The following RGS12 variants were observed in gnomAD, a reference collection of about 807,000 sequenced individuals.
RGS12 encodes the protein regulator of G-protein signaling 12.
A neutral mutation model predicts 120.1 loss-of-function variants in RGS12; 66 were observed. The ratio of observed to expected loss-of-function variants is 0.55; its 90% CI spans 0.45 to 0.67. RGS12 has a LOEUF of 0.67. Ranked by LOEUF, RGS12 falls within the 30% of genes least tolerant of loss-of-function variation. RGS12 has a pLI of 0.00. For synonymous variants in RGS12, 827 were observed against 804.7 expected (o/e 1.03, Z -0.47); for missense variants, 1,859 against 1,957.7 (o/e 0.95, Z 0.95).
chr4:3,362,566 G>A (rs1191948038), intron 3 of RGS12, among the ~76,000 whole-genome samples: 15 of 145,646 alleles, frequency 1.0e-4, no homozygotes, highest in African/African-American at 3.8e-4. Flanking sequence ...TGTGATGTGA[G>A]GGTTGGTGTG....
intron 3 of RGS12, among the ~76,000 whole-genome samples, chr4:3,363,320 G>A (rs1715918781): frequency 6.6e-6 from 1 of 152,078 alleles, no homozygotes; most frequent in Non-Finnish European, 1.5e-5. Flanking sequence ...ATTTTCTATT[G>A]TTTCCGTCAT....
At chr4:3,371,428 T>C in intron 3 of RGS12, among the ~76,000 whole-genome samples, 1 of 152,344 alleles carries the variant, frequency 6.6e-6, no homozygotes, top group South Asian at 2.1e-4. Flanking sequence ...TAGGCAGCAC[T>C]TTCATCTCAG....
At position 3,435,827 on chromosome 4, in the gene RGS12, C is replaced by G. The variant is rs563962530; in HGVS notation, c.4115-3628C>G. On this transcript the variant is annotated intron_variant, in intron 17 of 17. Transcript: ENST00000336727. ...GTCTCAGGCCTGCAAGTGACTGTGA[C>G]CTGGCCTACCCCCATGTTCCCTCCA... Among the ~76,000 whole-genome samples, 144 of 152,330 alleles carry G rather than the reference C, an allele frequency of 9.5e-4. 1 individual carries two copies. The highest frequency in any genetic ancestry group is 3.3e-3 in the African/African-American group (139 of 41,574).
the RGS12 span, among the ~76,000 whole-genome samples, chr4:3,286,014 G>T: frequency 6.6e-6 from 1 of 152,242 alleles, no homozygotes; most frequent in Non-Finnish European, 1.5e-5. Context: ...TCCAGGGACC[G>T]CTGGGGCCGT....
Position 3,378,992 on chromosome 4 carries a change from A to G in RGS12, c.1999-7424A>G, listed in dbSNP as rs573910688. Among the ~76,000 whole-genome samples, 160 of 148,942 alleles carry G rather than the reference A, an allele frequency of 1.1e-3. 1 individual carries two copies. The highest frequency in any genetic ancestry group is 1.7e-3 in the Admixed American group (25 of 14,684). On this transcript the variant is annotated intron_variant, in intron 3 of 17. Transcript: ENST00000336727. ...CTAAGATATGAAAACCTAAGGGATAAAGGAAATGTGCGATGTGTGTGTGTG... is the reference window on the plus strand; with the variant it reads ...CTAAGATATGAAAACCTAAGGGATAGAGGAAATGTGCGATGTGTGTGTGTG...
intron 17 of RGS12, among the ~76,000 whole-genome samples, chr4:3,438,345 G>A (rs1204953597): frequency 6.7e-6 from 1 of 149,772 alleles, no homozygotes; most frequent in Non-Finnish European, 1.5e-5. Context: ...CTCTGGGTCG[G>A]CAACGTCACC....
rs1472834735 is a variant in RGS12, at chr4:3,390,998, A to AAATTTACAACTAATAATTTGTTGT, written c.2020+4569_2020+4570insACTAATAATTTGTTGTAATTTACA. Among the ~76,000 whole-genome samples the AAATTTACAACTAATAATTTGTTGT allele has an allele frequency of 5.9e-5, 9 of 152,262 alleles. No individual in the cohort carries two copies. The highest frequency in any genetic ancestry group is 1.3e-4 in the Admixed American group (2 of 15,290). On this transcript the variant is annotated intron_variant, in intron 4 of 17. Transcript: ENST00000336727. This position sits in a 1 kb window ranked among gnomAD's most constrained non-coding sequence, Gnocchi z 4.6. ...CAGTACTTACATAGAATTAGTTGATAAATTTACATTTTCCTCATCAGAAAA... is the reference window on the plus strand; with the variant it reads ...CAGTACTTACATAGAATTAGTTGATAAATTTACAACTAATAATTTGTTGTAATTTACATTTTCCTCATCAGAAAA...
chr4:3,386,991 T>C (rs1269758587), intron 4 of RGS12, among the ~76,000 whole-genome samples: 1 of 152,234 alleles, frequency 6.6e-6, no homozygotes, highest in Non-Finnish European at 1.5e-5. Context: ...GAATGTCTTA[T>C]TTCACTGAAG....
At chr4:3,415,793 C>G (rs1175322143) in intron 6 of RGS12, among the ~76,000 whole-genome samples, 185 bp from the exon 7 acceptor site, 1 of 152,202 alleles carries the variant, frequency 6.6e-6, no homozygotes, top group South Asian at 2.1e-4. Context: ...TTTAAACAAT[C>G]GTAGAGGAGC....
intron 1 of RGS12, chr4:3,312,424 G>A (rs891442144): frequency 2.0e-5 from 4 of 204,622 alleles, no homozygotes; most frequent in Admixed American, 4.7e-5. Flanking sequence ...TGCCCACGTG[G>A]TGAACACTGT....
chr4:3,322,169 C>T (rs549515819), intron 2 of RGS12, among the ~76,000 whole-genome samples: 10 of 152,352 alleles, frequency 6.6e-5, no homozygotes, highest in South Asian at 4.1e-4. Context: ...GGCATTTCTA[C>T]GTCTCCTTGG....
At chr4:3,294,419 G>A (rs1275215119) in intron 1 of RGS12, among the ~76,000 whole-genome samples, 2 of 152,244 alleles carry the variant, frequency 1.3e-5, no homozygotes, top group East Asian at 3.8e-4. Context: ...GCAATTCTGA[G>A]TAAGGGAGAA....
chr4:3,320,188 G>A (rs1424775684), intron 2 of RGS12, among the ~76,000 whole-genome samples: 1 of 152,206 alleles, frequency 6.6e-6, no homozygotes, highest in Non-Finnish European at 1.5e-5. Context: ...TAGATAATTG[G>A]CAGTGGTGCT....
At chr4:3,388,144 A>G (rs993982828) in intron 4 of RGS12, among the ~76,000 whole-genome samples, 2 of 152,006 alleles carry the variant, frequency 1.3e-5, no homozygotes, top group African/African-American at 4.8e-5. Flanking sequence ...CCAGTGTCAG[A>G]CCCTGGGGCC....
chr4:3,329,892 C>T (rs1185429468), intron 2 of RGS12, among the ~76,000 whole-genome samples: 1 of 146,434 alleles, frequency 6.8e-6, no homozygotes, highest in African/African-American at 2.7e-5. Context: ...CAAATTTTCC[C>T]TTTAAGAGAA....
At chr4:3,361,455 C>T (rs886072203) in intron 3 of RGS12, among the ~76,000 whole-genome samples, 2 of 152,148 alleles carry the variant, frequency 1.3e-5, no homozygotes, top group African/African-American at 4.8e-5. Context: ...GGCATCAGCC[C>T]GGAGCAGGCT....
At chr4:3,438,727 G>A (rs1205652274) in intron 17 of RGS12, among the ~76,000 whole-genome samples, 1 of 152,160 alleles carries the variant, frequency 6.6e-6, no homozygotes, top group Non-Finnish European at 1.5e-5. Context: ...CCCATGTTGG[G>A]TCTAGAAGCT....
chr4:3,425,560 G>A lies in RGS12; in HGVS notation c.3331G>A (p.Ala1111Thr). The change falls in exon 14 of 18, where the codon GCA becomes ACA. Residue 1111 changes from alanine (A) to threonine (T), a missense_variant and splice_region_variant. Ala to Thr is a moderately conservative substitution (Grantham distance 58). Transcript: ENST00000336727. ...GGAGAAGGATCCTTCCAGAGGAAAG[G>A]GTGAGTAGGGCTGGTGCAGCGGATG... is the stretch of plus-strand genomic sequence containing the variant. The part of the protein sequence containing the change: ...LEEKDPSRGK[A>T]SADKQKGVPV... 6.2e-7 allele frequency: 1 copy of A among 1,608,582 alleles called. No individual in the cohort carries two copies. Among genetic ancestry groups the A allele is most frequent in the Non-Finnish European group, 8.5e-7 (1 of 1,178,338 alleles).
chr4:3,411,987 C>T (rs1426469965), intron 4 of RGS12, among the ~76,000 whole-genome samples: 1 of 152,240 alleles, frequency 6.6e-6, no homozygotes, highest in African/African-American at 2.4e-5. Context: ...TGCGTGCTGG[C>T]GGCCACCGCG....
Sources: allele counts gnomAD v4.1 joint callset (sites outside exome capture counted in the v4.1 genomes callset), GRCh38; gene constraint gnomAD v4.1.1; non-coding constraint Gnocchi (gnomAD v3.1); transcripts MANE v1.5; gene names NCBI Gene and HGNC (gene_info 2026-07-23, HGNC 2026-07-21).